CADM2: variants seen among roughly 807,000 people sequenced by gnomAD.
The protein encoded by CADM2 is immunoglobulin superfamily member 4D.
In CADM2, 12 loss-of-function variants were observed where a neutral mutation model predicts 49.8. The ratio of observed to expected loss-of-function variants is 0.24; its 90% CI spans 0.15 to 0.39. The LOEUF (loss-of-function observed/expected upper bound fraction) is 0.39. Among genes scored for constraint, CADM2 ranks in the 10% least tolerant of loss-of-function variants. CADM2 has a pLI of 1.00. For synonymous variants in CADM2, 214 were observed against 175.4 expected (o/e 1.22, Z -1.74); for missense variants, 378 against 492.3 (o/e 0.77, Z 2.20).
At chr3:85,551,482 G>A (rs1015305527) in intron 1 of CADM2, among the ~76,000 whole-genome samples, 1 of 151,998 alleles carries the variant, frequency 6.6e-6, no homozygotes, top group Non-Finnish European at 1.5e-5. Context: ...TGATCATATG[G>A]TGATTCACTG....
At chr3:85,045,206 T>C (rs537487663) in intron 1 of CADM2, among the ~76,000 whole-genome samples, 10 of 152,182 alleles carry the variant, frequency 6.6e-5, no homozygotes, top group Non-Finnish European at 1.2e-4. Flanking sequence ...AAGCTGAATA[T>C]GCTATTAATG....
At chr3:85,724,876 AT>A (rs1267939293) in intron 1 of CADM2, among the ~76,000 whole-genome samples, 1 of 151,914 alleles carries the variant, frequency 6.6e-6, no homozygotes, top group Non-Finnish European at 1.5e-5. Context: ...AGGAATGTAG[AT>A]TTTTGATGAA....
chr3:85,528,023 T>C (rs1017433727), intron 1 of CADM2, among the ~76,000 whole-genome samples: 2 of 152,324 alleles, frequency 1.3e-5, no homozygotes, highest in Non-Finnish European at 1.5e-5. Context: ...TCAGTCTGAC[T>C]CTGTGTCTTC....
intron 3 of CADM2, among the ~76,000 whole-genome samples, chr3:85,864,751 G>A (rs544442405): frequency 2.0e-4 from 30 of 151,982 alleles, no homozygotes; most frequent in African/African-American, 3.9e-4. Context: ...TTATTCCTTC[G>A]TTTATCACTG....
Position 85,358,618 on chromosome 3 carries a change from A to G in CADM2, c.62-367904A>G, listed in dbSNP as rs553653626. Among the ~76,000 whole-genome samples the G allele has an allele frequency of 6.6e-5, 10 of 152,258 alleles. No homozygotes were observed. The South Asian group carries it at 1.0e-3, about 16-fold the overall frequency. ...ATGCATTAGACTGGTCAATTTAAAC[A>G]GTGATTGATCAAAGGAAAGAAATTG... On this transcript the variant is annotated intron_variant, in intron 1 of 9. Coordinates refer to ENST00000383699, the MANE Select transcript of CADM2 (RefSeq NM_001167675.2).
intron 1 of CADM2, among the ~76,000 whole-genome samples, chr3:85,412,383 A>G (rs2035695057): frequency 6.6e-6 from 1 of 152,206 alleles, no homozygotes; most frequent in Non-Finnish European, 1.5e-5. Flanking sequence ...TTGACAATAT[A>G]TAGTAACTTA....
chr3:85,947,826 A>G (rs966679660), intron 7 of CADM2, among the ~76,000 whole-genome samples: 11 of 151,552 alleles, frequency 7.3e-5, no homozygotes, highest in African/African-American at 2.7e-4. Flanking sequence ...AAATGTTCCA[A>G]TGTCTTGTGA....
chr3:85,230,076 G>A (rs2107810286), intron 1 of CADM2, among the ~76,000 whole-genome samples: 1 of 152,240 alleles, frequency 6.6e-6, no homozygotes, highest in South Asian at 2.1e-4. Context: ...ACTGGCACTG[G>A]CAGGAATTAA....
chr3:85,138,515 C>T (rs750522776), intron 1 of CADM2, among the ~76,000 whole-genome samples: 1 of 152,118 alleles, frequency 6.6e-6, no homozygotes, highest in Non-Finnish European at 1.5e-5. Flanking sequence ...ATTTTAATAT[C>T]TAAGAAGGTA....
At chr3:85,513,114 T>G (rs2060810644) in intron 1 of CADM2, among the ~76,000 whole-genome samples, 1 of 152,190 alleles carries the variant, frequency 6.6e-6, no homozygotes, top group East Asian at 1.9e-4. Context: ...ATAATTATTT[T>G]AAATTTAGCC....
At chr3:85,507,134 A>G (rs928195386) in intron 1 of CADM2, among the ~76,000 whole-genome samples, 12 of 151,302 alleles carry the variant, frequency 7.9e-5, no homozygotes, top group Admixed American at 3.3e-4. Context: ...AAAAGAATCC[A>G]TATGTACTTA....
At chr3:85,924,626 A>C (rs979824334) in intron 6 of CADM2, among the ~76,000 whole-genome samples, 2 of 151,786 alleles carry the variant, frequency 1.3e-5, no homozygotes, top group Admixed American at 1.3e-4. Context: ...TAAATAAATA[A>C]GAATTAAAAT....
chr3:85,592,999 A>G (rs1028936948), intron 1 of CADM2, among the ~76,000 whole-genome samples: 3 of 151,862 alleles, frequency 2.0e-5, no homozygotes, highest in African/African-American at 7.2e-5. Flanking sequence ...AAGGGACTCC[A>G]AAGAGCCTGT....
At chr3:85,644,674 A>G (rs765003365) in intron 1 of CADM2, among the ~76,000 whole-genome samples, 10 of 152,148 alleles carry the variant, frequency 6.6e-5, no homozygotes, top group Non-Finnish European at 1.3e-4. Flanking sequence ...CGTTTTGGTC[A>G]TTGATATCAT....
chr3:85,011,461 C>G (rs527963741), intron 1 of CADM2, among the ~76,000 whole-genome samples: 48 of 152,166 alleles, frequency 3.2e-4, no homozygotes, highest in African/African-American at 1.1e-3. Context: ...ACAGATGCAA[C>G]AAAAATAATT....
intron 3 of CADM2, among the ~76,000 whole-genome samples, chr3:85,805,004 G>A (rs755228093): frequency 1.8e-4 from 27 of 152,044 alleles, no homozygotes; most frequent in Non-Finnish European, 5.9e-5. Context: ...TCAGTGGCAC[G>A]ATCTTGGCTC....
rs574717219 is a variant in CADM2, at chr3:84,992,170, G to A, written c.61+32502G>A. 2.6e-5 allele frequency among the ~76,000 whole-genome samples: 4 copies of A among 152,260 alleles called. No homozygotes were observed. The South Asian group carries it at 8.3e-4, about 32-fold the overall frequency. ...GACTCTGGTGGAGGATGATAATGAGGAGGCTACCTTTGTGTTGAGGTAAGG... is the reference window on the plus strand; with the variant it reads ...GACTCTGGTGGAGGATGATAATGAGAAGGCTACCTTTGTGTTGAGGTAAGG... On this transcript the variant is annotated intron_variant, in intron 1 of 9. Coordinates refer to ENST00000383699, the MANE Select transcript of CADM2 (RefSeq NM_001167675.2).
chr3:85,425,568 C>T (rs1421192513), intron 1 of CADM2, among the ~76,000 whole-genome samples: 2 of 152,256 alleles, frequency 1.3e-5, no homozygotes, highest in South Asian at 2.1e-4. Context: ...AATATATTCT[C>T]GCTATGGTGC....
chr3:85,107,609 T>TTTTC (rs753118590), intron 1 of CADM2, among the ~76,000 whole-genome samples: 97 of 148,218 alleles, frequency 6.5e-4, no homozygotes, highest in African/African-American at 1.8e-3. Context: ...TTCTCTTTCT[T>TTTTC]TTTCTTTCTT....
Sources: allele counts gnomAD v4.1 joint callset (sites outside exome capture counted in the v4.1 genomes callset), GRCh38; gene constraint gnomAD v4.1.1; transcripts MANE v1.5; gene names NCBI Gene and HGNC (gene_info 2026-07-23, HGNC 2026-07-21).